SLC15A5: variants seen among roughly 807,000 people sequenced by gnomAD.
SLC15A5 encodes the protein solute carrier family 15 member 5.
SLC15A5 carries 58 observed loss-of-function variants against 56.1 expected under a neutral mutation model. That is an observed-to-expected ratio of 1.03 (90% CI 0.84 to 1.29). The LOEUF (loss-of-function observed/expected upper bound fraction) is 1.29, where lower values mean the gene tolerates loss of function less well. Among genes scored for constraint, SLC15A5 ranks in the 50% most tolerant of loss-of-function variants. The probability of loss-of-function intolerance (pLI) is 0.00; values close to 1 mark genes in which losing one functional copy is unlikely to be tolerated. For synonymous variants in SLC15A5, 264 were observed against 250.5 expected, an observed-to-expected ratio of 1.05 and a Z score of -0.51; for missense variants, 681 against 672.1, an observed-to-expected ratio of 1.01 and a Z score of -0.15.
chr12:16,263,954 C>T (rs1005803885), intron 2 of SLC15A5, among the ~76,000 whole-genome samples: 3 of 152,212 alleles, frequency 2.0e-5, no homozygotes, highest in Non-Finnish European at 4.4e-5. Context: ...TCTTGGACAA[C>T]CTCTGCTGGG....
intron 3 of SLC15A5, among the ~76,000 whole-genome samples, chr12:16,252,656 A>G (rs1272247807): frequency 6.6e-6 from 1 of 152,096 alleles, no homozygotes; most frequent in East Asian, 1.9e-4. Flanking sequence ...ATTGAAGAAT[A>G]TACAAATAAA....
chr12:16,201,787 C>G (rs3983659), intron 7 of SLC15A5, among the ~76,000 whole-genome samples: 79,676 of 152,036 alleles, frequency 0.52, 21,309 homozygotes, highest in South Asian at 0.73. Context: ...AATTAAACCT[C>G]TTTCCTTTAT....
Position 16,223,051 on chromosome 12 carries a change from CAT to C in SLC15A5, c.1351+1361_1351+1362del, listed in dbSNP as rs535175009. Among the ~76,000 whole-genome samples, 483 of 152,198 alleles carry C rather than the reference CAT, an allele frequency of 3.2e-3. 3 individuals carry two copies. Among genetic ancestry groups the C allele is most frequent in the Non-Finnish European group, 5.2e-3 (355 of 67,992 alleles). On this transcript the variant is annotated intron_variant, in intron 6 of 8. Coordinates refer to ENST00000344941, the MANE Select transcript of SLC15A5 (RefSeq NM_001170798.1). The stretch of plus-strand genomic sequence containing the variant: ...TATAAAAAAAGAAGTCTGAGACACA[CAT>C]ATATATGCATATACTCCAACTTAAT...
chr12:16,262,762 G>A (rs948207048), intron 2 of SLC15A5, among the ~76,000 whole-genome samples: 1 of 152,156 alleles, frequency 6.6e-6, no homozygotes, highest in Non-Finnish European at 1.5e-5. Context: ...GGTCTTTTCT[G>A]TGATGCTCTC....
intron 5 of SLC15A5, among the ~76,000 whole-genome samples, chr12:16,236,912 A>G (rs1188067980): frequency 1.3e-5 from 2 of 152,228 alleles, no homozygotes; most frequent in Non-Finnish European, 2.9e-5. Flanking sequence ...CAGAATAGTA[A>G]TAGTAATAAT....
chr12:16,263,924 T>C (rs917678024), intron 2 of SLC15A5, among the ~76,000 whole-genome samples: 2 of 152,224 alleles, frequency 1.3e-5, no homozygotes, highest in African/African-American at 2.4e-5. Context: ...AGGCAGAAGT[T>C]TGCTGCAGGG....
intron 7 of SLC15A5, among the ~76,000 whole-genome samples, chr12:16,199,970 G>C (rs958759078): frequency 6.6e-6 from 1 of 151,972 alleles, no homozygotes; most frequent in African/African-American, 2.4e-5. Flanking sequence ...TAGCCTAGCA[G>C]TCTTGGGCTT....
intron 8 of SLC15A5, among the ~76,000 whole-genome samples, chr12:16,191,464 C>T (rs1464307029): frequency 6.6e-6 from 1 of 151,980 alleles, no homozygotes; most frequent in African/African-American, 2.4e-5. Flanking sequence ...CCACTATTAC[C>T]TGGCTGTGAA....
At chr12:16,226,823 C>T (rs1002711783) in intron 5 of SLC15A5, among the ~76,000 whole-genome samples, 1 of 152,110 alleles carries the variant, frequency 6.6e-6, no homozygotes, top group African/African-American at 2.4e-5. Context: ...CTCCATTTAG[C>T]ATTCATATTA....
At chr12:16,277,155 T>A (rs1864828878) in intron 1 of SLC15A5, among the ~76,000 whole-genome samples, 170 bp downstream of exon 1, 1 of 137,402 alleles carries the variant, frequency 7.3e-6, no homozygotes, top group Non-Finnish European at 1.6e-5. Flanking sequence ...CACACAGACT[T>A]ACTAGCATTC....
intron 1 of SLC15A5, among the ~76,000 whole-genome samples, chr12:16,276,629 A>G (rs1381829515): frequency 6.6e-6 from 1 of 152,066 alleles, no homozygotes; most frequent in Non-Finnish European, 1.5e-5. Flanking sequence ...TTGTTGCTTA[A>G]GAAGAATAAC....
chr12:16,243,891 A>G lies in SLC15A5; in HGVS notation c.975+689T>C, dbSNP rs192473411. Among the ~76,000 whole-genome samples the G allele has an allele frequency of 6.6e-4, 101 of 152,336 alleles. No individual in the cohort carries two copies. Among genetic ancestry groups the G allele is most frequent in the African/African-American group, 2.4e-3 (98 of 41,556 alleles). On this transcript the variant is annotated intron_variant, in intron 4 of 8. Coordinates refer to ENST00000344941, the MANE Select transcript of SLC15A5 (RefSeq NM_001170798.1). This position sits in a 1 kb window ranked among gnomAD's most constrained non-coding sequence, Gnocchi z 4.4. ...AATGTAACTCATTCATGAGTCTTCTAAATTCCAAGTTGGGAGTTAGCAATG... is the reference window on the plus strand; with the variant it reads ...AATGTAACTCATTCATGAGTCTTCTGAATTCCAAGTTGGGAGTTAGCAATG...
intron 7 of SLC15A5, among the ~76,000 whole-genome samples, chr12:16,211,363 C>G (rs10744105): frequency 0.54 from 82,236 of 151,974 alleles, 22,560 homozygotes; most frequent in South Asian, 0.74. Flanking sequence ...TTTAGGAGAT[C>G]TCATTTTTAA....
chr12:16,199,414 A>G (rs1375438626), intron 7 of SLC15A5, among the ~76,000 whole-genome samples: 4 of 151,986 alleles, frequency 2.6e-5, no homozygotes. Flanking sequence ...ATCAGAACAG[A>G]CCCTCACCAC....
At position 16,235,895 on chromosome 12, in the gene SLC15A5, G is replaced by C. The variant is rs1864348018; in HGVS notation, c.1162+3786C>G. Among the ~76,000 whole-genome samples, 1 of 151,936 alleles carries C rather than the reference G, an allele frequency of 6.6e-6. No homozygotes were observed. The highest frequency in any genetic ancestry group is 2.1e-4 in the South Asian group (1 of 4,816). On this transcript the variant is annotated intron_variant, in intron 5 of 8. Transcript: ENST00000344941. The surrounding 1 kb of genome is among the most constrained non-coding windows in gnomAD (Gnocchi z 4.1). ...TTATTAGAACTAGTTGAGGTTACTG[G>C]TTATGTATACAGGGACCTACACTGA...
chr12:16,257,896 A>G, intron 2 of SLC15A5, 26 bp from the exon 3 acceptor site: 1 of 1,382,416 alleles, frequency 7.2e-7, no homozygotes, highest in East Asian at 2.8e-5. Flanking sequence ...AGACAAAAAT[A>G]AAAATACCAT....
intron 1 of SLC15A5, among the ~76,000 whole-genome samples, chr12:16,276,453 C>T (rs1285772541): frequency 2.6e-5 from 4 of 151,942 alleles, no homozygotes; most frequent in Admixed American, 2.6e-4. Context: ...ATTTAGTTGC[C>T]TTACAGCTTT....
chr12:16,205,439 A>G (rs1402723574), intron 7 of SLC15A5, among the ~76,000 whole-genome samples: 5 of 150,968 alleles, frequency 3.3e-5, no homozygotes, highest in African/African-American at 1.2e-4. Context: ...TAAGTTATGT[A>G]CTTAATGATC....
intron 7 of SLC15A5, among the ~76,000 whole-genome samples, chr12:16,195,455 A>G (rs1003898884): frequency 1.3e-5 from 2 of 152,096 alleles, no homozygotes; most frequent in African/African-American, 4.8e-5. Context: ...ATCTAACTTA[A>G]CAGAGAGAAT....
Sources: allele counts gnomAD v4.1 joint callset (sites outside exome capture counted in the v4.1 genomes callset), GRCh38; gene constraint gnomAD v4.1.1; non-coding constraint Gnocchi (gnomAD v3.1); transcripts MANE v1.5; gene names NCBI Gene and HGNC (gene_info 2026-07-23, HGNC 2026-07-21).